SULF1: variants seen among roughly 807,000 people sequenced by gnomAD.
SULF1 encodes the protein sulfatase 1.
A neutral mutation model predicts 110.5 loss-of-function variants in SULF1; 46 were observed. That is an observed-to-expected ratio of 0.42 (90% CI 0.33 to 0.53). The LOEUF (loss-of-function observed/expected upper bound fraction) is 0.53, where lower values mean the gene tolerates loss of function less well. Ranked by LOEUF, SULF1 falls within the 20% of genes least tolerant of loss-of-function variation. The pLI is 0.12. For synonymous variants in SULF1, 371 were observed against 387.1 expected (o/e 0.96, Z 0.49); for missense variants, 941 against 1,094.2 (o/e 0.86, Z 1.98).
chr8:69,621,330 C>T (rs957321729), intron 14 of SULF1, 79 bp downstream of exon 14: 2 of 1,019,962 alleles, frequency 2.0e-6, no homozygotes, highest in Non-Finnish European at 2.8e-6. Flanking sequence ...AAGGGTTGCT[C>T]CTTCTACATT....
chr8:69,538,188 TTATACTTTTTTATATG>T (rs1021776690), intron 3 of SULF1, among the ~76,000 whole-genome samples: 4 of 152,044 alleles, frequency 2.6e-5, no homozygotes, highest in African/African-American at 9.7e-5. Flanking sequence ...TCAAATACTT[TTATACTTTTTTATATG>T]TATACTTTTT....
intron 8 of SULF1, among the ~76,000 whole-genome samples, chr8:69,591,764 A>G (rs890363309): frequency 6.6e-6 from 1 of 152,210 alleles, no homozygotes; most frequent in Admixed American, 6.5e-5. Flanking sequence ...TGGTACCCAC[A>G]GTCCAAACCT....
intron 3 of SULF1, among the ~76,000 whole-genome samples, chr8:69,539,991 A>G (rs1375283988): frequency 6.6e-6 from 1 of 152,228 alleles, no homozygotes; most frequent in Admixed American, 6.5e-5. Context: ...CAGAAGGCAA[A>G]AAGACCATTA....
chr8:69,556,502 C>A (rs1037804624), intron 3 of SULF1, among the ~76,000 whole-genome samples: 12 of 152,168 alleles, frequency 7.9e-5, no homozygotes, highest in Non-Finnish European at 1.8e-4. Flanking sequence ...GTGTGACTTG[C>A]AGTATGAGTG....
intron 6 of SULF1, 43 bp downstream of exon 6, chr8:69,576,252 T>C: frequency 1.3e-6 from 2 of 1,572,738 alleles, no homozygotes; most frequent in Non-Finnish European, 1.7e-6. Context: ...TTGTAATATG[T>C]CTTAGACTCA....
intron 3 of SULF1, among the ~76,000 whole-genome samples, chr8:69,504,494 G>A (rs1191492308): frequency 6.6e-6 from 1 of 152,166 alleles, no homozygotes; most frequent in Non-Finnish European, 1.5e-5. Context: ...GGCGGAGGTT[G>A]CAGTGAGCCA....
chr8:69,495,956 T>C (rs1353028184), intron 2 of SULF1, 30 bp downstream of exon 2: 2 of 152,220 alleles, frequency 1.3e-5, no homozygotes, highest in Admixed American at 6.5e-5. Flanking sequence ...TTTTTAAAGA[T>C]GACAACTGGA....
chr8:69,501,766 G>T lies in SULF1; in HGVS notation c.-228-108G>T, dbSNP rs1007250860. On this transcript the variant is annotated intron_variant, in intron 2 of 22. Coordinates refer to ENST00000402687, the MANE Select transcript of SULF1 (RefSeq NM_001128205.2). The stretch of plus-strand genomic sequence containing the variant: ...GTCTGGATGAAATTTAGAGAATATT[G>T]TTCCTAATGATCACCCCCTTTGAGG... The T allele has an allele frequency of 7.2e-5, 11 of 152,302 alleles. No individual in the cohort carries two copies. In the East Asian group the frequency reaches 2.1e-3, roughly 29 times the overall value. The allele number at this position is 152,302 out of a possible 1,614,324, so 9.4% of individuals were successfully genotyped here. A position where few individuals can be genotyped will look rare whatever the true frequency, so the allele number is the denominator to read the frequency against.
intron 5 of SULF1, among the ~76,000 whole-genome samples, chr8:69,568,997 G>A (rs1448832600): frequency 1.3e-5 from 2 of 152,172 alleles, no homozygotes; most frequent in African/African-American, 2.4e-5. Context: ...AAAAATGTTT[G>A]AGGGACTCCT....
intron 6 of SULF1, among the ~76,000 whole-genome samples, chr8:69,579,564 CAAAA>C (rs1416643898): frequency 9.5e-6 from 1 of 105,098 alleles, no homozygotes; most frequent in Non-Finnish European, 2.0e-5. Context: ...CACACACACA[CAAAA>C]AAAAAAAAAA....
intron 3 of SULF1, among the ~76,000 whole-genome samples, chr8:69,541,624 G>C (rs999694295): frequency 6.6e-6 from 1 of 152,198 alleles, no homozygotes; most frequent in Non-Finnish European, 1.5e-5. Context: ...GTATTTGAAA[G>C]TACAGATTTC....
rs116413548 is a variant in SULF1 at position 69,510,307 on chromosome 8, G to T, written c.-134+8339G>T. Among the ~76,000 whole-genome samples the T allele has an allele frequency of 5.1e-3, 783 of 152,256 alleles. 7 individuals are homozygous for T. Among genetic ancestry groups the T allele is most frequent in the African/African-American group, 0.017 (710 of 41,550 alleles). On this transcript the variant is annotated intron_variant, in intron 3 of 22. Coordinates refer to ENST00000402687, the MANE Select transcript of SULF1 (RefSeq NM_001128205.2). Reference sequence around the variant, plus strand: ...CCCATGAGAGAAGTATGGTTTAATGGTTAGGAACACAGATTTGGGAGCCAG... The same window carrying T: ...CCCATGAGAGAAGTATGGTTTAATGTTTAGGAACACAGATTTGGGAGCCAG...
At chr8:69,501,813 A>C (rs919480020) in intron 2 of SULF1, 61 bp from the exon 3 acceptor site, 1 of 152,210 alleles carries the variant, frequency 6.6e-6, no homozygotes, top group Non-Finnish European at 1.5e-5. Context: ...CAACATCTGA[A>C]AGATGAGAGG....
intron 3 of SULF1, among the ~76,000 whole-genome samples, chr8:69,522,780 G>A (rs1439560481): frequency 1.3e-5 from 2 of 152,174 alleles, no homozygotes; most frequent in Non-Finnish European, 2.9e-5. Flanking sequence ...TCAACTGCAT[G>A]TGGCAGTATG....
At chr8:69,469,210 G>A (rs965589357) in intron 1 of SULF1, 4 of 152,164 alleles carry the variant, frequency 2.6e-5, no homozygotes, top group Admixed American at 6.5e-5. Context: ...TATTTATGGC[G>A]ACCTCTACAT....
intron 3 of SULF1, among the ~76,000 whole-genome samples, chr8:69,558,645 T>G (rs575092960): frequency 1.3e-5 from 2 of 152,274 alleles, no homozygotes; most frequent in Non-Finnish European, 2.9e-5. Context: ...GGAAAAAAAG[T>G]AAATGAGAAG....
intron 2 of SULF1, among the ~76,000 whole-genome samples, chr8:69,499,456 T>C (rs1810634744): frequency 6.6e-6 from 1 of 152,212 alleles, no homozygotes; most frequent in Admixed American, 6.5e-5. Flanking sequence ...GGAATTTCTA[T>C]TGCATATTAA....
At chr8:69,554,978 C>CAAAAAAAAAAAAAAA (rs141225696) in intron 3 of SULF1, among the ~76,000 whole-genome samples, 2 of 63,482 alleles carry the variant, frequency 3.2e-5, no homozygotes, top group African/African-American at 2.0e-4. Context: ...GATTCCATCT[C>CAAAAAAAAAAAAAAA]AAAAAAAAAA....
At chr8:69,650,324 A>G (rs1586637152) in intron 22 of SULF1, among the ~76,000 whole-genome samples, 1 of 152,032 alleles carries the variant, frequency 6.6e-6, no homozygotes, top group Admixed American at 6.6e-5. Flanking sequence ...CTTAGGTAGT[A>G]TTGTACTGTA....
Sources: gnomAD v4.1 joint callset for allele counts (sites outside exome capture counted in the v4.1 genomes callset) on GRCh38, gnomAD v4.1.1 for gene constraint, MANE v1.5 for transcripts, NCBI Gene and HGNC (gene_info 2026-07-23, HGNC 2026-07-21) for gene names.